The following COL22A1 variants were observed in gnomAD, a reference collection of about 807,000 sequenced individuals.
COL22A1 encodes collagen type XXII alpha 1 chain.
Under a neutral mutation model 248.9 loss-of-function variants are expected in COL22A1, and 221 were observed. The ratio of observed to expected loss-of-function variants is 0.89; its 90% confidence interval spans 0.80 to 0.99. The LOEUF (loss-of-function observed/expected upper bound fraction) is 0.99, where lower values mean the gene tolerates loss of function less well. Among genes scored for constraint, COL22A1 ranks in the 50% least tolerant of loss-of-function variants. The probability of loss-of-function intolerance (pLI) is 0.00; values close to 1 mark genes in which losing one functional copy is unlikely to be tolerated. For synonymous variants in COL22A1, 891 were observed against 793.4 expected (o/e 1.12, Z -2.07); for missense variants, 2,240 against 2,179.0 (o/e 1.03, Z -0.56).
At chr8:138,665,201 G>T (rs1824388611) in intron 41 of COL22A1, among the ~76,000 whole-genome samples, 1 of 152,172 alleles carries the variant, frequency 6.6e-6, no homozygotes, top group Non-Finnish European at 1.5e-5. Flanking sequence ...CAACTGAGAA[G>T]CAGTGCCCTA....
chr8:138,644,191 G>C (rs994825781), intron 47 of COL22A1, among the ~76,000 whole-genome samples: 1 of 152,210 alleles, frequency 6.6e-6, no homozygotes, highest in East Asian at 1.9e-4. Flanking sequence ...TTTGGCAGAA[G>C]TGAGTTAGGT....
intron 53 of COL22A1, among the ~76,000 whole-genome samples, chr8:138,618,050 A>G (rs1819477920): frequency 6.6e-6 from 1 of 152,146 alleles, no homozygotes; most frequent in Admixed American, 6.5e-5. Flanking sequence ...CCTCCCATCT[A>G]ATCATGACAA....
chr8:138,746,203 C>G (rs978478069), intron 22 of COL22A1, among the ~76,000 whole-genome samples: 1 of 152,204 alleles, frequency 6.6e-6, no homozygotes, highest in African/African-American at 2.4e-5. Flanking sequence ...TCTGTTGCCC[C>G]CCAACCCATG....
At chr8:138,769,861 G>C (rs1834217853) in intron 16 of COL22A1, among the ~76,000 whole-genome samples, 1 of 152,160 alleles carries the variant, frequency 6.6e-6, no homozygotes, top group African/African-American at 2.4e-5. Flanking sequence ...AAAGACAGAG[G>C]TGCCCATGTC....
intron 25 of COL22A1, among the ~76,000 whole-genome samples, chr8:138,723,041 G>A (rs995917688): frequency 6.7e-6 from 1 of 149,050 alleles, no homozygotes; most frequent in Non-Finnish European, 1.5e-5. Context: ...TCCTGCACAC[G>A]TACCCTGGAA....
chr8:138,809,790 T>A (rs1818054543), intron 9 of COL22A1, among the ~76,000 whole-genome samples: 1 of 151,958 alleles, frequency 6.6e-6, no homozygotes, highest in African/African-American at 2.4e-5. Context: ...AGTGAGAGGG[T>A]GTATTTCTTT....
At chr8:138,868,043 A>G (rs781128576) in intron 3 of COL22A1, among the ~76,000 whole-genome samples, 41 of 152,324 alleles carry the variant, frequency 2.7e-4, no homozygotes, top group Non-Finnish European at 4.4e-4. Context: ...GATTACAGGC[A>G]TGAGCCACCG....
chr8:138,616,063 A>T lies in COL22A1; in HGVS notation c.3871-9T>A. ...ATGGCACCAGACTCTCCCTAGGAACAAAAAAGCCTGCTATTAGGGAAGGAG... is the reference window on the plus strand; with the variant it reads ...ATGGCACCAGACTCTCCCTAGGAACTAAAAAGCCTGCTATTAGGGAAGGAG... On this transcript the variant is annotated splice_polypyrimidine_tract_variant and intron_variant, in intron 54 of 64. Coordinates refer to ENST00000303045, the MANE Select transcript of COL22A1 (RefSeq NM_152888.3). 1.9e-6 allele frequency: 3 copies of T among 1,609,578 alleles called. No homozygotes were observed. In the South Asian group the frequency reaches 3.3e-5, roughly 18 times the overall value.
At chr8:138,849,443 G>C (rs1821473864) in intron 3 of COL22A1, among the ~76,000 whole-genome samples, 1 of 152,208 alleles carries the variant, frequency 6.6e-6, no homozygotes, top group African/African-American at 2.4e-5. Flanking sequence ...TCTTCCTGTA[G>C]AAAGAAAGGC....
At chr8:138,906,425 T>TG (rs1815024275) in intron 1 of COL22A1, among the ~76,000 whole-genome samples, 1 of 151,772 alleles carries the variant, frequency 6.6e-6, no homozygotes, top group African/African-American at 2.4e-5. Flanking sequence ...CTGCTTAAAC[T>TG]TAACGTGTCT....
At chr8:138,844,473 G>A (rs372991900) in intron 3 of COL22A1, among the ~76,000 whole-genome samples, 3 of 152,208 alleles carry the variant, frequency 2.0e-5, no homozygotes, top group Non-Finnish European at 2.9e-5. Flanking sequence ...TAACAACATA[G>A]CGGAATAAGT....
chr8:138,602,284 G>T lies in COL22A1; in HGVS notation c.4141-125C>A, dbSNP rs373473912. The T allele has an allele frequency of 2.4e-5, 25 of 1,039,604 alleles. No individual in the cohort carries two copies. In the East Asian group the frequency reaches 2.6e-4, roughly 11 times the overall value. 64.4% of individuals were successfully genotyped at this position (1,039,604 alleles called of 1,614,324 possible). ...GGACCCTCAAAAGATAAGGTCCCCC[G>T]AGGGCTCCTTTCTGATTTATGCCTA... On this transcript the variant is annotated intron_variant, in intron 59 of 64. Coordinates refer to ENST00000303045, the MANE Select transcript of COL22A1 (RefSeq NM_152888.3).
Position 138,676,486 on chromosome 8 carries a change from C to T in COL22A1, c.3150+72G>A, listed in dbSNP as rs1289570480. On this transcript the variant is annotated intron_variant, in intron 41 of 64. Coordinates refer to ENST00000303045, the MANE Select transcript of COL22A1 (RefSeq NM_152888.3). ...GAAAGAAAGAAAGAAAAGAGTGTTT[C>T]TGCAGGCAGGTCCAACAGGAAATGG... The T allele has an allele frequency of 6.0e-6, 3 of 503,322 alleles. No individual in the cohort carries two copies. The African/African-American group carries it at 7.4e-5, about 12-fold the overall frequency. 31.2% of individuals were successfully genotyped at this position (503,322 alleles called of 1,614,324 possible).
intron 15 of COL22A1, chr8:138,778,034 G>A: frequency 4.6e-6 from 2 of 432,248 alleles, no homozygotes; most frequent in East Asian, 5.1e-5. Context: ...GGACAGGCTG[G>A]GGAAAATGAA....
At chr8:138,852,116 C>G (rs1361059061) in intron 3 of COL22A1, among the ~76,000 whole-genome samples, 2 of 152,054 alleles carry the variant, frequency 1.3e-5, no homozygotes, top group African/African-American at 4.8e-5. Flanking sequence ...GGACACATGG[C>G]TGGAACAGTT....
At chr8:138,610,664 G>A (rs981711212) in intron 56 of COL22A1, among the ~76,000 whole-genome samples, 1 of 152,154 alleles carries the variant, frequency 6.6e-6, no homozygotes, top group Non-Finnish European at 1.5e-5. Context: ...GGATTTCAGG[G>A]CCATGCCCCA....
rs902678420 is a variant in COL22A1, at chr8:138,778,109, C to T, written c.1758+244G>A. ...AAAAATGCAGATTCCTGGGATCTACCCTGCTTCTTGATGTGAGAAAGGGGT... is the reference window on the plus strand; with the variant it reads ...AAAAATGCAGATTCCTGGGATCTACTCTGCTTCTTGATGTGAGAAAGGGGT... On this transcript the variant is annotated intron_variant, in intron 15 of 64. Transcript: ENST00000303045. 15 of 577,706 alleles carry T rather than the reference C, an allele frequency of 2.6e-5. No individual in the cohort carries two copies. The African/African-American group carries it at 2.6e-4, about 10-fold the overall frequency. The allele number at this position is 577,706 out of a possible 1,614,324, so 35.8% of individuals were successfully genotyped here.
intron 3 of COL22A1, among the ~76,000 whole-genome samples, chr8:138,864,630 T>G (rs1264487232): frequency 6.6e-6 from 1 of 152,222 alleles, no homozygotes; most frequent in Non-Finnish European, 1.5e-5. Context: ...ACTAAGTACG[T>G]AAGCTTCCTT....
chr8:138,683,839 A>G (rs1346861901), intron 39 of COL22A1, among the ~76,000 whole-genome samples: 1 of 152,206 alleles, frequency 6.6e-6, no homozygotes, highest in East Asian at 1.9e-4. Context: ...TCATAATTCA[A>G]GACTGCTTAG....
Sources: allele counts gnomAD v4.1 joint callset (sites outside exome capture counted in the v4.1 genomes callset), GRCh38; gene constraint gnomAD v4.1.1; transcripts MANE v1.5; gene names NCBI Gene and HGNC (gene_info 2026-07-23, HGNC 2026-07-21).